The following SNTG1 variants were observed in gnomAD, a reference collection of about 807,000 sequenced individuals.
The protein encoded by SNTG1 is syntrophin gamma 1, also known as gamma-1-syntrophin.
In SNTG1, 39 loss-of-function variants were observed where a neutral mutation model predicts 74.7. The ratio of observed to expected loss-of-function variants is 0.52; its 90% CI spans 0.40 to 0.68. The LOEUF (loss-of-function observed/expected upper bound fraction) is 0.68, where lower values mean the gene tolerates loss of function less well. Among genes scored for constraint, SNTG1 ranks in the 30% least tolerant of loss-of-function variants. The probability of loss-of-function intolerance (pLI) is 0.00; values close to 1 mark genes in which losing one functional copy is unlikely to be tolerated. For missense variants in SNTG1, 685 were observed against 609.5 expected (o/e 1.12, Z -1.30); for synonymous variants, 254 against 217.1 (o/e 1.17, Z -1.49).
intron 16 of SNTG1, among the ~76,000 whole-genome samples, chr8:50,705,296 T>C (rs911566900): frequency 6.6e-6 from 1 of 151,834 alleles, no homozygotes. Context: ...TTCTTCTCAC[T>C]TTTGAACACA....
chr8:50,000,915 G>C (rs935103903), intron 1 of SNTG1, among the ~76,000 whole-genome samples: 2 of 152,196 alleles, frequency 1.3e-5, no homozygotes, highest in African/African-American at 4.8e-5. Context: ...AAACATCAGA[G>C]CACATTTGCC....
chr8:50,270,702 A>G (rs917955744), intron 2 of SNTG1, among the ~76,000 whole-genome samples: 1 of 152,204 alleles, frequency 6.6e-6, no homozygotes, highest in Non-Finnish European at 1.5e-5. Flanking sequence ...TAACAGATCA[A>G]CATGTATTTT....
At chr8:50,388,423 TAG>T (rs1320797501) in intron 2 of SNTG1, among the ~76,000 whole-genome samples, 2 of 152,302 alleles carry the variant, frequency 1.3e-5, no homozygotes, top group African/African-American at 2.4e-5. Flanking sequence ...ATACTGGAAA[TAG>T]AGTCTTTACT....
At chr8:50,697,189 T>C (rs1265251911) in intron 15 of SNTG1, among the ~76,000 whole-genome samples, 1 of 152,120 alleles carries the variant, frequency 6.6e-6, no homozygotes, top group Non-Finnish European at 1.5e-5. Context: ...CCGGGTTTTT[T>C]TGGAAGTTAT....
At chr8:49,934,952 C>T (rs1807923047) in intron 1 of SNTG1, among the ~76,000 whole-genome samples, 1 of 151,758 alleles carries the variant, frequency 6.6e-6, no homozygotes, top group Non-Finnish European at 1.5e-5. Context: ...AACATATTTT[C>T]AAAAGAAACT....
intron 12 of SNTG1, among the ~76,000 whole-genome samples, chr8:50,554,069 A>G (rs2094441974): frequency 6.6e-6 from 1 of 152,202 alleles, no homozygotes; most frequent in African/African-American, 2.4e-5. Context: ...GTTCTTATGT[A>G]AATGACCCTT....
intron 4 of SNTG1, among the ~76,000 whole-genome samples, chr8:50,437,589 G>C (rs1439685375): frequency 2.6e-5 from 4 of 152,126 alleles, no homozygotes; most frequent in Admixed American, 1.3e-4. Flanking sequence ...ATTTGGAAAT[G>C]GATAATGTGG....
intron 2 of SNTG1, among the ~76,000 whole-genome samples, chr8:50,359,072 C>A (rs2091892128): frequency 6.6e-6 from 1 of 152,162 alleles, no homozygotes. Context: ...TTCTGCCTTC[C>A]AGAACCAGAA....
chr8:50,370,513 G>C (rs574999634), intron 2 of SNTG1, among the ~76,000 whole-genome samples: 19 of 152,262 alleles, frequency 1.2e-4, no homozygotes, highest in African/African-American at 4.3e-4. Flanking sequence ...GAGAGTAGGA[G>C]CAGCGCTCCA....
intron 2 of SNTG1, among the ~76,000 whole-genome samples, chr8:50,384,845 C>A (rs774607857): frequency 5.9e-5 from 9 of 152,060 alleles, no homozygotes; most frequent in Admixed American, 1.3e-4. Context: ...TCTGCTTGAG[C>A]CCGATCACTT....
intron 3 of SNTG1, among the ~76,000 whole-genome samples, chr8:50,394,791 C>T (rs1047821274): frequency 1.1e-4 from 16 of 151,180 alleles, no homozygotes; most frequent in Admixed American, 9.2e-4. Context: ...TTCAATAGTG[C>T]ATGGATGTGG....
chr8:50,571,742 A>G (rs2094549956), intron 12 of SNTG1, among the ~76,000 whole-genome samples: 1 of 152,208 alleles, frequency 6.6e-6, no homozygotes, highest in Non-Finnish European at 1.5e-5. Flanking sequence ...AGAGTACTGA[A>G]TATTCCCTAG....
intron 18 of SNTG1, among the ~76,000 whole-genome samples, chr8:50,771,359 C>G (rs1455625765): frequency 6.6e-6 from 1 of 152,090 alleles, no homozygotes; most frequent in Non-Finnish European, 1.5e-5. Context: ...TGTCGATGCC[C>G]TAGTATTTTG....
chr8:50,671,265 A>G (rs1269378222), intron 15 of SNTG1, among the ~76,000 whole-genome samples: 1 of 151,858 alleles, frequency 6.6e-6, no homozygotes, highest in Non-Finnish European at 1.5e-5. Context: ...CAACCTACAA[A>G]ATGGGAGAAA....
intron 8 of SNTG1, among the ~76,000 whole-genome samples, chr8:50,489,334 C>G (rs1409734546): frequency 2.6e-5 from 4 of 152,152 alleles, no homozygotes; most frequent in Non-Finnish European, 4.4e-5. Flanking sequence ...TGTTCTAGAT[C>G]CTTGAGGAAT....
chr8:50,550,307 T>G (rs16915036), intron 11 of SNTG1, among the ~76,000 whole-genome samples: 14,543 of 152,102 alleles, frequency 0.096, 1,223 homozygotes, highest in African/African-American at 0.21. Flanking sequence ...CACTCCAAAC[T>G]TTTACATTTT....
At chr8:50,593,138 G>A (rs1585786206) in intron 13 of SNTG1, among the ~76,000 whole-genome samples, 3 of 151,872 alleles carry the variant, frequency 2.0e-5, no homozygotes, top group South Asian at 2.1e-4. Flanking sequence ...CAATGAATCC[G>A]AAGTTCTCTG....
intron 2 of SNTG1, among the ~76,000 whole-genome samples, chr8:50,377,356 T>C (rs780669227): frequency 6.6e-6 from 1 of 152,228 alleles, no homozygotes. Flanking sequence ...TCGTACATAA[T>C]TTCAAGTTCT....
intron 13 of SNTG1, among the ~76,000 whole-genome samples, chr8:50,653,138 T>C (rs2095158806): frequency 6.6e-6 from 1 of 152,064 alleles, no homozygotes; most frequent in Admixed American, 6.6e-5. Flanking sequence ...ATTTATTTAG[T>C]GTAGTGTAAA....
Sources: allele counts gnomAD v4.1 joint callset (sites outside exome capture counted in the v4.1 genomes callset), GRCh38; gene constraint gnomAD v4.1.1; transcripts MANE v1.5; gene names NCBI Gene and HGNC (gene_info 2026-07-23, HGNC 2026-07-21).